The following DPP10 variants were observed in gnomAD, a reference collection of about 807,000 sequenced individuals.
The protein encoded by DPP10 is inactive dipeptidyl peptidase 10.
In DPP10, 33 loss-of-function variants were observed where a neutral mutation model predicts 120.9. That is an observed-to-expected ratio of 0.27 (90% CI 0.21 to 0.37). The LOEUF is 0.37. Ranked by LOEUF, DPP10 falls within the 10% of genes least tolerant of loss-of-function variation. The pLI, the probability that DPP10 is intolerant of heterozygous loss-of-function variation, is 1.00. For missense variants in DPP10, 816 were observed against 942.8 expected (o/e 0.87, Z 1.76); for synonymous variants, 337 against 326.1 (o/e 1.03, Z -0.36).
chr2:115,762,477 G>GA (rs1252713540), intron 11 of DPP10, 95 bp from the exon 12 acceptor site: 104 of 1,298,270 alleles, frequency 8.0e-5, no homozygotes, highest in Non-Finnish European at 1.0e-4. Flanking sequence ...TGAAGAGAGG[G>GA]AAAAAAAACT....
intron 1 of DPP10, among the ~76,000 whole-genome samples, chr2:115,209,196 C>A (rs1379346907): frequency 6.6e-6 from 1 of 152,220 alleles, no homozygotes; most frequent in East Asian, 1.9e-4. Flanking sequence ...GTCAAACATT[C>A]TCAGTTTCAG....
intron 13 of DPP10, among the ~76,000 whole-genome samples, chr2:115,776,677 A>G (rs776808875): frequency 2.1e-4 from 32 of 152,110 alleles, no homozygotes; most frequent in Non-Finnish European, 4.1e-4. Flanking sequence ...TTTTTTACAT[A>G]TTAAAATGTT....
intron 5 of DPP10, among the ~76,000 whole-genome samples, chr2:115,676,137 G>A (rs1173196932): frequency 6.6e-6 from 1 of 152,192 alleles, no homozygotes; most frequent in East Asian, 1.9e-4. Context: ...TCCAGCAGCA[G>A]AGATGCCATG....
At chr2:115,458,376 T>A (rs2073747346) in intron 3 of DPP10, among the ~76,000 whole-genome samples, 1 of 152,150 alleles carries the variant, frequency 6.6e-6, no homozygotes, top group African/African-American at 2.4e-5. Context: ...CATTTCTGTA[T>A]TGAATTTACA....
At chr2:114,953,797 GATT>G (rs2104661343) in intron 1 of DPP10, among the ~76,000 whole-genome samples, 1 of 152,022 alleles carries the variant, frequency 6.6e-6, no homozygotes, top group Non-Finnish European at 1.5e-5. Context: ...TAAAACTACT[GATT>G]ATTTAATGTT....
chr2:114,820,991 G>A (rs141378131), intron 1 of DPP10, among the ~76,000 whole-genome samples: 1 of 152,330 alleles, frequency 6.6e-6, no homozygotes, highest in African/African-American at 2.4e-5. Flanking sequence ...GAAGTGGAGA[G>A]TTTAATATGC....
chr2:114,777,574 G>A (rs1023474380), intron 1 of DPP10, among the ~76,000 whole-genome samples: 5 of 152,040 alleles, frequency 3.3e-5, no homozygotes, highest in African/African-American at 1.2e-4. Flanking sequence ...GCAAATGGCT[G>A]GGAAGAAGTA....
intron 1 of DPP10, among the ~76,000 whole-genome samples, chr2:115,118,535 AG>A (rs1435369312): frequency 1.3e-5 from 2 of 152,288 alleles, no homozygotes; most frequent in East Asian, 3.9e-4. Flanking sequence ...AGTAGGTTGA[AG>A]GCAAAGGGAG....
chr2:115,758,281 G>C (rs1004361392), intron 11 of DPP10, among the ~76,000 whole-genome samples: 4 of 151,714 alleles, frequency 2.6e-5, no homozygotes, highest in Non-Finnish European at 5.9e-5. Flanking sequence ...TCAAAATAAA[G>C]AATGAAGAAA....
At chr2:115,390,040 TACA>T (rs1371828228) in intron 3 of DPP10, among the ~76,000 whole-genome samples, 1 of 152,214 alleles carries the variant, frequency 6.6e-6, no homozygotes, top group Non-Finnish European at 1.5e-5. Context: ...TAGTTCTATA[TACA>T]ACAAGGTTAT....
At chr2:114,694,615 A>G (rs1699963282) in intron 1 of DPP10, among the ~76,000 whole-genome samples, 1 of 152,034 alleles carries the variant, frequency 6.6e-6, no homozygotes, top group Non-Finnish European at 1.5e-5. Flanking sequence ...TCTGTGTAGG[A>G]CAAATTTCAC....
chr2:114,981,053 T>A (rs961368833), intron 1 of DPP10, among the ~76,000 whole-genome samples: 1 of 152,040 alleles, frequency 6.6e-6, no homozygotes, highest in Admixed American at 6.6e-5. Context: ...AGACAGGTGT[T>A]ATCATATACT....
At chr2:115,246,340 A>G (rs537256397) in intron 1 of DPP10, among the ~76,000 whole-genome samples, 25 of 152,224 alleles carry the variant, frequency 1.6e-4, no homozygotes, top group East Asian at 7.7e-4. Context: ...CTTTCCACCA[A>G]TGGAATTACC....
At chr2:115,736,843 C>T (rs1454821692) in intron 8 of DPP10, among the ~76,000 whole-genome samples, 2 of 152,126 alleles carry the variant, frequency 1.3e-5, no homozygotes, top group Non-Finnish European at 2.9e-5. Flanking sequence ...TTTCCCCTTT[C>T]TAGTAAGTCG....
rs1042635062 is a variant in DPP10, at chr2:115,796,134, C to A, written c.1700+4778C>A. On this transcript the variant is annotated intron_variant, in intron 19 of 25. Coordinates refer to ENST00000410059, the MANE Select transcript of DPP10 (RefSeq NM_020868.6). Reference sequence around the variant, plus strand: ...ACATCAGCCACCCCCAAAGAGAAATCCCATCCTTTAGACAGACTGCTTTGT... The same window carrying A: ...ACATCAGCCACCCCCAAAGAGAAATACCATCCTTTAGACAGACTGCTTTGT... Among the ~76,000 whole-genome samples the A allele has an allele frequency of 3.9e-5, 6 of 152,180 alleles. No homozygotes were observed. In the East Asian group the frequency reaches 1.2e-3, roughly 29 times the overall value.
chr2:115,303,579 G>A (rs2061237299), intron 1 of DPP10, among the ~76,000 whole-genome samples: 1 of 151,832 alleles, frequency 6.6e-6, no homozygotes, highest in Middle Eastern at 3.4e-3. Context: ...CATAGTGAAT[G>A]TTTTATATCA....
At chr2:114,482,623 CAAGAA>C (rs1412770153) in intron 1 of DPP10, among the ~76,000 whole-genome samples, 1 of 152,054 alleles carries the variant, frequency 6.6e-6, no homozygotes, top group Non-Finnish European at 1.5e-5. Flanking sequence ...AAAAGTATGT[CAAGAA>C]AAGAACACAA....
chr2:115,201,232 G>T (rs2055688467), intron 1 of DPP10, among the ~76,000 whole-genome samples: 1 of 152,150 alleles, frequency 6.6e-6, no homozygotes, highest in South Asian at 2.1e-4. Context: ...GGAGGCTGAA[G>T]CGGGCTGATC....
intron 1 of DPP10, among the ~76,000 whole-genome samples, chr2:114,717,792 A>G (rs1574033145): frequency 6.6e-6 from 1 of 152,196 alleles, no homozygotes; most frequent in Non-Finnish European, 1.5e-5. Context: ...AGAAAACAGT[A>G]CTTGATGATA....
Sources: gnomAD v4.1 joint callset for allele counts (sites outside exome capture counted in the v4.1 genomes callset) on GRCh38, gnomAD v4.1.1 for gene constraint, MANE v1.5 for transcripts, NCBI Gene and HGNC (gene_info 2026-07-23, HGNC 2026-07-21) for gene names.